Variants in CUX1 observed in about 807,000 individuals in gnomAD.
CUX1 encodes protein CASP.
In CUX1, 31 loss-of-function variants were observed where a neutral mutation model predicts 158.8. The ratio of observed to expected loss-of-function variants is 0.20; its 90% CI spans 0.15 to 0.26. CUX1 has a LOEUF of 0.26. CUX1 is among the 10% of genes least tolerant of loss of function. CUX1 has a pLI of 1.00. For synonymous variants in CUX1, 879 were observed against 862.1 expected (o/e 1.02, Z -0.34); for missense variants, 1,589 against 2,014.6 (o/e 0.79, Z 4.04).
chr7:101,879,406 T>C, intron 1 of CUX1, among the ~76,000 whole-genome samples: 1 of 152,360 alleles, frequency 6.6e-6, no homozygotes, highest in African/African-American at 2.4e-5. Flanking sequence ...CCCTCTCTTC[T>C]ATTTTAGTTC....
chr7:102,170,368 T>C (rs1791571729), intron 9 of CUX1, 78 bp from the exon 10 acceptor site: 2 of 1,001,220 alleles, frequency 2.0e-6, no homozygotes, highest in East Asian at 2.7e-5. Context: ...CAGGCATGAA[T>C]TGATGAATGT....
chr7:102,056,810 C>A (rs1824191891), intron 3 of CUX1, among the ~76,000 whole-genome samples: 1 of 152,132 alleles, frequency 6.6e-6, no homozygotes, highest in African/African-American at 2.4e-5. Context: ...ACCTCGTGAT[C>A]CGCCTGCCTC....
At chr7:102,015,290 T>C (rs7357138) in intron 2 of CUX1, among the ~76,000 whole-genome samples, 58,375 of 151,446 alleles carry the variant, frequency 0.39, 12,075 homozygotes, top group Non-Finnish European at 0.46. Flanking sequence ...TGCAGTGGCG[T>C]GATCTCGGCT....
intron 21 of CUX1, among the ~76,000 whole-genome samples, chr7:102,228,107 C>T (rs558139674): frequency 6.5e-4 from 99 of 152,126 alleles, no homozygotes; most frequent in Non-Finnish European, 5.6e-4. Flanking sequence ...CCTGCCACCA[C>T]TCCTGGCTAA....
intron 18 of CUX1, among the ~76,000 whole-genome samples, chr7:102,279,300 C>T (rs1791872339): frequency 6.6e-6 from 1 of 152,176 alleles, no homozygotes; most frequent in Non-Finnish European, 1.5e-5. Flanking sequence ...GAGGTCACAC[C>T]ATTGCACTCC....
At chr7:101,912,445 T>C (rs1447509521) in intron 1 of CUX1, among the ~76,000 whole-genome samples, 1 of 152,148 alleles carries the variant, frequency 6.6e-6, no homozygotes, top group Non-Finnish European at 1.5e-5. Flanking sequence ...TCCCACACTA[T>C]GCATTACCAT....
intron 7 of CUX1, among the ~76,000 whole-genome samples, chr7:102,113,666 T>C (rs1831164349): frequency 6.6e-6 from 1 of 152,108 alleles, no homozygotes; most frequent in African/African-American, 2.4e-5. Context: ...GAAGTGATCC[T>C]CCTGCCTCAG....
chr7:101,992,567 T>A lies in CUX1; in HGVS notation c.142-35531T>A, dbSNP rs116088535. Among the ~76,000 whole-genome samples the A allele has an allele frequency of 2.4e-3, 359 of 152,178 alleles. 1 individual carries two copies. Among genetic ancestry groups the A allele is most frequent in the African/African-American group, 7.9e-3 (330 of 41,522 alleles). The stretch of plus-strand genomic sequence containing the variant: ...GTTGGGTGGGGGAGGGGTCAGTACA[T>A]GTTTGTAAGATAAAGAAAAACATCC... On this transcript the variant is annotated intron_variant, in intron 2 of 23. Coordinates refer to ENST00000292535, the MANE Select transcript of CUX1 (RefSeq NM_181552.4).
intron 12 of CUX1, 53 bp from the exon 13 acceptor site, chr7:102,193,789 G>A (rs1425415239): frequency 1.7e-5 from 27 of 1,570,930 alleles, no homozygotes; most frequent in African/African-American, 2.7e-5. Flanking sequence ...GTGACAGAAC[G>A]AGACTCTGTC....
chr7:102,112,054 C>T (rs945031195), intron 7 of CUX1: 2 of 311,590 alleles, frequency 6.4e-6, no homozygotes, highest in Non-Finnish European at 1.2e-5. Context: ...CCAACAAACA[C>T]TTCTAAATCA....
chr7:102,028,654 C>T (rs1275086126), intron 3 of CUX1, among the ~76,000 whole-genome samples: 3 of 152,200 alleles, frequency 2.0e-5, no homozygotes, highest in Admixed American at 6.5e-5. Flanking sequence ...TGGTTTCTAA[C>T]GGATCCTTCC....
intron 3 of CUX1, among the ~76,000 whole-genome samples, chr7:102,042,232 C>T (rs1822204949): frequency 6.6e-6 from 1 of 152,202 alleles, no homozygotes. Flanking sequence ...ATGAGAATTG[C>T]TCACATGTTT....
intron 2 of CUX1, among the ~76,000 whole-genome samples, chr7:101,949,594 G>A (rs1808809591): frequency 6.7e-6 from 1 of 149,260 alleles, no homozygotes; most frequent in South Asian, 2.1e-4. Flanking sequence ...GTAGTGGCAC[G>A]ATATTGGCTC....
intron 23 of CUX1, among the ~76,000 whole-genome samples, chr7:102,243,069 T>G (rs1169013083): frequency 5.3e-5 from 8 of 151,854 alleles, no homozygotes; most frequent in Admixed American, 5.2e-4. Context: ...AGGCCAGGAG[T>G]TCGAGACCAG....
rs116425733 is a variant in CUX1, at chr7:102,178,717, C to T, written c.1017+60C>T. 1.9e-4 allele frequency: 284 copies of T among 1,497,006 alleles called. 1 individual carries two copies. The African/African-American group carries it at 3.0e-3, about 16-fold the overall frequency. 92.7% of individuals were successfully genotyped at this position (1,497,006 alleles called of 1,614,324 possible). ...GAGGCAGGGCGGATGGCTGGACACA[C>T]GCGCACACACACACCCTCTGCCTTT... On this transcript the variant is annotated intron_variant, in intron 11 of 23. Transcript: ENST00000292535.
chr7:102,158,578 G>T lies in CUX1; in HGVS notation c.693G>T (p.Met231Ile), dbSNP rs1790053101. Residue 231 changes from methionine (M) to isoleucine (I), a missense_variant, in exon 9 of 24, where the codon ATG (methionine) becomes ATT (isoleucine). Coordinates refer to ENST00000292535, the MANE Select transcript of CUX1 (RefSeq NM_181552.4). ...ETTAKADEIEMIMTDLERANQ... is the reference protein window; with the variant it reads ...ETTAKADEIEIIMTDLERANQ... ...CTCCTAGGGCCGACGAGATTGAAAT[G>T]ATCATGACGGACCTTGAAAGGGCAA... 1 of 1,613,934 alleles carries T rather than the reference G, an allele frequency of 6.2e-7. No individual in the cohort carries two copies. The highest frequency in any genetic ancestry group is 8.5e-7 in the Non-Finnish European group (1 of 1,179,962).
At chr7:101,833,258 A>G (rs1794258537) in intron 1 of CUX1, among the ~76,000 whole-genome samples, 1 of 151,642 alleles carries the variant, frequency 6.6e-6, no homozygotes, top group African/African-American at 2.4e-5. Flanking sequence ...AAAGAAAAGA[A>G]AAGAAATTAG....
intron 4 of CUX1, among the ~76,000 whole-genome samples, chr7:102,089,022 CT>C (rs557636624): frequency 9.9e-5 from 15 of 151,422 alleles, no homozygotes; most frequent in Admixed American, 3.9e-4. Flanking sequence ...GGTTTACTAA[CT>C]TTTTTTTTCA....
At position 102,055,734 on chromosome 7, in the gene CUX1, T is replaced by G. The variant is rs374333516; in HGVS notation, c.190-14605T>G. ...AAGTGAAAGGAACAGTCACATGTCT[T>G]TCACTTTAAGTCAAAAGCTAGAAAT... On this transcript the variant is annotated intron_variant, in intron 3 of 23. Transcript: ENST00000292535. 1.8e-4 allele frequency among the ~76,000 whole-genome samples: 27 copies of G among 152,340 alleles called. 1 individual carries two copies. In the East Asian group the frequency reaches 4.6e-3, roughly 26 times the overall value.
Sources: gnomAD v4.1 joint callset for allele counts (sites outside exome capture counted in the v4.1 genomes callset) on GRCh38, gnomAD v4.1.1 for gene constraint, MANE v1.5 for transcripts, NCBI Gene and HGNC (gene_info 2026-07-23, HGNC 2026-07-21) for gene names.